The following NALCN variants were observed in gnomAD, a reference collection of about 807,000 sequenced individuals.
NALCN encodes the protein sodium leak channel NALCN.
A neutral mutation model predicts 225.3 loss-of-function variants in NALCN; 111 were observed. The ratio of observed to expected loss-of-function variants is 0.49; its 90% CI spans 0.42 to 0.58. NALCN has a LOEUF of 0.58. Ranked by LOEUF, NALCN falls within the 20% of genes least tolerant of loss-of-function variation. The pLI, the probability that NALCN is intolerant of heterozygous loss-of-function variation, is 0.00. For synonymous variants in NALCN, 764 were observed against 769.0 expected, an observed-to-expected ratio of 0.99 and a Z score of 0.11; for missense variants, 1,378 against 2,202.4, an observed-to-expected ratio of 0.63 and a Z score of 7.49.
At chr13:101,218,643 CAG>C (rs2040827830) in intron 13 of NALCN, among the ~76,000 whole-genome samples, 1 of 152,140 alleles carries the variant, frequency 6.6e-6, no homozygotes, top group African/African-American at 2.4e-5. Flanking sequence ...ACCATCTTCT[CAG>C]TGCTGTTCTC....
At chr13:101,398,207 T>C (rs531842114) in intron 2 of NALCN, among the ~76,000 whole-genome samples, 3 of 152,072 alleles carry the variant, frequency 2.0e-5, no homozygotes, top group Admixed American at 6.6e-5. Context: ...AATAGAAATA[T>C]AGAAAGAAAT....
chr13:101,236,629 T>C (rs1376772923), intron 12 of NALCN, among the ~76,000 whole-genome samples: 2 of 151,706 alleles, frequency 1.3e-5, no homozygotes, highest in African/African-American at 4.8e-5. Flanking sequence ...GTGGATGAAA[T>C]TGGAAATCAT....
intron 30 of NALCN, among the ~76,000 whole-genome samples, chr13:101,088,654 T>A (rs968501558): frequency 6.6e-6 from 1 of 152,178 alleles, no homozygotes; most frequent in Non-Finnish European, 1.5e-5. Context: ...GCACTTCCCT[T>A]ACTATGATTC....
Position 101,333,483 on chromosome 13 carries a change from A to G in NALCN, c.799+11783T>C, listed in dbSNP as rs761840679. ...AATGGATGGGCTCTCTCCACTGTCCAGTGACTCCTCGGGATGACCAACTTC... is the reference window on the plus strand; with the variant it reads ...AATGGATGGGCTCTCTCCACTGTCCGGTGACTCCTCGGGATGACCAACTTC... On this transcript the variant is annotated intron_variant, in intron 7 of 43. Coordinates refer to ENST00000251127, the MANE Select transcript of NALCN (RefSeq NM_052867.4). Among the ~76,000 whole-genome samples, 22 of 152,202 alleles carry G rather than the reference A, an allele frequency of 1.4e-4. 1 individual carries two copies. Among genetic ancestry groups the G allele is most frequent in the Non-Finnish European group, 2.8e-4 (19 of 68,024 alleles).
chr13:101,119,363 G>C (rs1302174488), intron 18 of NALCN, among the ~76,000 whole-genome samples: 1 of 152,100 alleles, frequency 6.6e-6, no homozygotes, highest in Non-Finnish European at 1.5e-5. Flanking sequence ...GACTTAAACA[G>C]TTATTAATAT....
At chr13:101,063,987 A>G (rs540634090) in intron 40 of NALCN, among the ~76,000 whole-genome samples, 1 of 152,352 alleles carries the variant, frequency 6.6e-6, no homozygotes, top group Non-Finnish European at 1.5e-5. Context: ...ATTATATTAA[A>G]ATACAATTCT....
intron 9 of NALCN, among the ~76,000 whole-genome samples, chr13:101,287,259 G>A (rs1428599192): frequency 2.6e-5 from 4 of 152,152 alleles, no homozygotes; most frequent in African/African-American, 7.2e-5. Flanking sequence ...CAATGTATGC[G>A]AATGTCCCTT....
chr13:101,413,295 T>C (rs1190089813), intron 1 of NALCN, among the ~76,000 whole-genome samples: 3 of 152,090 alleles, frequency 2.0e-5, no homozygotes, highest in African/African-American at 7.2e-5. Flanking sequence ...GAAACCAATT[T>C]GAAGATATGG....
chr13:101,070,167 C>CTTGCCTCCTGGGCAAGCTCCGCCTCCAT, intron 37 of NALCN, among the ~76,000 whole-genome samples: 1 of 145,284 alleles, frequency 6.9e-6, no homozygotes, highest in Non-Finnish European at 1.5e-5. Flanking sequence ...CCTGGGCTTA[C>CTTGCCTCCTGGGCAAGCTCCGCCTCCAT]GCCATTCTCC....
chr13:101,330,922 A>G (rs1006571636), intron 7 of NALCN, among the ~76,000 whole-genome samples: 2 of 152,156 alleles, frequency 1.3e-5, no homozygotes, highest in East Asian at 1.9e-4. Context: ...ACCTTGTGCC[A>G]TGATTGTGAG....
intron 31 of NALCN, 128 bp from the exon 32 acceptor site, chr13:101,083,326 T>A (rs1465883287): frequency 1.3e-6 from 1 of 783,788 alleles, no homozygotes; most frequent in Non-Finnish European, 2.0e-6. Flanking sequence ...CCGTCTATTG[T>A]GAGGTGTTTT....
intron 15 of NALCN, among the ~76,000 whole-genome samples, chr13:101,153,085 A>G (rs1415557347): frequency 6.6e-6 from 1 of 152,158 alleles, no homozygotes; most frequent in Non-Finnish European, 1.5e-5. Flanking sequence ...AACATCAGAG[A>G]TAGCATAAGT....
chr13:101,368,559 T>A (rs1169503443), intron 6 of NALCN: 1 of 152,188 alleles, frequency 6.6e-6, no homozygotes, highest in East Asian at 1.9e-4. Flanking sequence ...TCAATTAACA[T>A]TTTCTGTTTT....
At position 101,113,213 on chromosome 13, in the gene NALCN, C is replaced by T. The variant is rs181649035; in HGVS notation, c.2193-1987G>A. Among the ~76,000 whole-genome samples the T allele has an allele frequency of 1.6e-3, 251 of 152,238 alleles. 2 individuals carry two copies. The highest frequency in any genetic ancestry group is 4.9e-3 in the Admixed American group (75 of 15,282). ...TTCCATTATACAAGGAGACCACTGG[C>T]CACACACAGGTTCCTGGTGAATGAG... On this transcript the variant is annotated intron_variant, in intron 18 of 43. Transcript: ENST00000251127.
At chr13:101,098,879 T>C (rs901158421) in intron 27 of NALCN, among the ~76,000 whole-genome samples, 2 of 151,878 alleles carry the variant, frequency 1.3e-5, no homozygotes, top group Non-Finnish European at 2.9e-5. Flanking sequence ...TTGGTGCTGG[T>C]GCTCTCTATG....
chr13:101,314,393 G>T (rs2044476214), intron 7 of NALCN, among the ~76,000 whole-genome samples: 1 of 152,010 alleles, frequency 6.6e-6, no homozygotes, highest in Admixed American at 6.6e-5. Context: ...CAGAGACACG[G>T]AAAACAAACA....
chr13:101,286,335 A>G (rs1394644762), intron 9 of NALCN, among the ~76,000 whole-genome samples: 2 of 152,144 alleles, frequency 1.3e-5, no homozygotes, highest in Non-Finnish European at 2.9e-5. Flanking sequence ...TTTGAAGCTG[A>G]GCTTGACCAT....
intron 4 of NALCN, 38 bp downstream of exon 4, chr13:101,378,532 G>T: frequency 6.7e-7 from 1 of 1,498,578 alleles, no homozygotes. Context: ...TCCCATTTTG[G>T]AGAATACCTG....
At chr13:101,337,278 T>TTATG (rs2045408349) in intron 7 of NALCN, among the ~76,000 whole-genome samples, 1 of 43,318 alleles carries the variant, frequency 2.3e-5, no homozygotes, top group African/African-American at 1.3e-4. Context: ...TTACTCTTTA[T>TTATG]TATTTATTTA....
Sources: allele counts gnomAD v4.1 joint callset (sites outside exome capture counted in the v4.1 genomes callset), GRCh38; gene constraint gnomAD v4.1.1; transcripts MANE v1.5; gene names NCBI Gene and HGNC (gene_info 2026-07-23, HGNC 2026-07-21).